MAGI1: variants seen among roughly 807,000 people sequenced by gnomAD.
MAGI1 encodes membrane associated guanylate kinase, WW and PDZ domain containing 1.
MAGI1 carries 58 observed loss-of-function variants against 139.9 expected under a neutral mutation model. The observed-to-expected ratio is 0.41, with a 90% CI of 0.34 to 0.52. The LOEUF is 0.52. MAGI1 is among the 20% of genes least tolerant of loss of function. The pLI, the probability that MAGI1 is intolerant of heterozygous loss-of-function variation, is 0.12. For missense variants in MAGI1, 1,874 were observed against 1,901.6 expected (o/e 0.99, Z 0.27); for synonymous variants, 812 against 737.9 (o/e 1.10, Z -1.63).
At chr3:65,924,732 C>T (rs574659779) in intron 1 of MAGI1, among the ~76,000 whole-genome samples, 1 of 152,282 alleles carries the variant, frequency 6.6e-6, no homozygotes, top group East Asian at 1.9e-4. Flanking sequence ...CCTCGCTGCT[C>T]CATGCTTCAG....
At chr3:65,605,604 C>T (rs535060564) in intron 2 of MAGI1, among the ~76,000 whole-genome samples, 35 of 152,240 alleles carry the variant, frequency 2.3e-4, no homozygotes, top group Admixed American at 2.2e-3. Flanking sequence ...CCAGACCCTT[C>T]TAGAGTGTCT....
At chr3:65,383,757 CA>C (rs1349787045) in intron 14 of MAGI1, 134 bp from the exon 15 acceptor site, 2 of 686,804 alleles carry the variant, frequency 2.9e-6, no homozygotes, top group Non-Finnish European at 5.2e-6. Flanking sequence ...GGCAAAGAAA[CA>C]AAATACTCTG....
At chr3:65,881,549 C>T (rs1455360330) in intron 1 of MAGI1, among the ~76,000 whole-genome samples, 2 of 152,000 alleles carry the variant, frequency 1.3e-5, no homozygotes, top group African/African-American at 4.8e-5. Context: ...ATCACTTGTG[C>T]CCAGGCGTTG....
intron 2 of MAGI1, among the ~76,000 whole-genome samples, chr3:65,605,012 AAT>A (rs1182698519): frequency 6.6e-6 from 1 of 152,196 alleles, no homozygotes; most frequent in African/African-American, 2.4e-5. Flanking sequence ...TATGCCTGAA[AAT>A]GACTCATGCC....
At chr3:65,960,968 T>C (rs2064393781) in intron 1 of MAGI1, among the ~76,000 whole-genome samples, 1 of 152,264 alleles carries the variant, frequency 6.6e-6, no homozygotes, top group Admixed American at 6.5e-5. Flanking sequence ...CTGTCTTTTC[T>C]ATGCTATAGG....
intron 1 of MAGI1, among the ~76,000 whole-genome samples, chr3:65,735,683 A>C (rs549444429): frequency 6.6e-6 from 1 of 152,218 alleles, no homozygotes; most frequent in African/African-American, 2.4e-5. Context: ...TATTATCAAC[A>C]ACCTACTGAA....
At chr3:65,872,680 A>G (rs1559964247) in intron 1 of MAGI1, 2 of 152,258 alleles carry the variant, frequency 1.3e-5, no homozygotes, top group Non-Finnish European at 2.9e-5. Flanking sequence ...GCATATGAAT[A>G]GAAAAATAAA....
chr3:65,606,493 A>G (rs2082748004), intron 2 of MAGI1, among the ~76,000 whole-genome samples: 1 of 151,342 alleles, frequency 6.6e-6, no homozygotes, highest in African/African-American at 2.4e-5. Flanking sequence ...GGTGTATGCC[A>G]CCACACCCGG....
intron 1 of MAGI1, among the ~76,000 whole-genome samples, chr3:65,951,869 T>C (rs1487815754): frequency 1.3e-5 from 2 of 152,220 alleles, no homozygotes; most frequent in Non-Finnish European, 2.9e-5. Context: ...TACTGAACTG[T>C]AGTGAGCAAA....
intron 8 of MAGI1, 46 bp from the exon 9 acceptor site, chr3:65,440,058 A>C (rs761022515): frequency 6.2e-7 from 1 of 1,606,724 alleles, no homozygotes; most frequent in Non-Finnish European, 8.5e-7. Context: ...AGTTCATCCC[A>C]CCAGCAAAAT....
chr3:65,673,807 A>C (rs951768525), intron 1 of MAGI1, among the ~76,000 whole-genome samples: 2 of 152,258 alleles, frequency 1.3e-5, no homozygotes, highest in African/African-American at 4.8e-5. Context: ...AGTTCAATAA[A>C]TATTATAAAT....
intron 2 of MAGI1, among the ~76,000 whole-genome samples, chr3:65,593,055 A>G (rs1418270173): frequency 1.3e-5 from 2 of 152,310 alleles, no homozygotes; most frequent in Non-Finnish European, 2.9e-5. Context: ...GGTCACCTTC[A>G]GGTAAAATTA....
intron 12 of MAGI1, among the ~76,000 whole-genome samples, chr3:65,403,878 T>C (rs540771411): frequency 2.0e-5 from 3 of 152,340 alleles, no homozygotes; most frequent in South Asian, 4.1e-4. Flanking sequence ...AAAAGAGAAC[T>C]GGAAACAACT....
intron 5 of MAGI1, among the ~76,000 whole-genome samples, chr3:65,467,497 C>T (rs1659913487): frequency 6.6e-6 from 1 of 152,142 alleles, no homozygotes; most frequent in African/African-American, 2.4e-5. Context: ...TTGATAGTTG[C>T]AGCCCAAATC....
At chr3:65,804,397 T>C (rs1394242133) in intron 1 of MAGI1, among the ~76,000 whole-genome samples, 1 of 151,684 alleles carries the variant, frequency 6.6e-6, no homozygotes, top group Non-Finnish European at 1.5e-5. Context: ...AATTTATTGG[T>C]ATAAACTGAT....
chr3:65,399,681 T>G (rs1237858975), intron 13 of MAGI1, among the ~76,000 whole-genome samples: 2 of 152,196 alleles, frequency 1.3e-5, no homozygotes, highest in East Asian at 3.9e-4. Flanking sequence ...GCTTGCTGCT[T>G]GCTAATGATA....
At chr3:65,585,146 T>C (rs2081615193) in intron 2 of MAGI1, among the ~76,000 whole-genome samples, 1 of 152,212 alleles carries the variant, frequency 6.6e-6, no homozygotes, top group Admixed American at 6.5e-5. Context: ...GTCAAATGAT[T>C]TGCCAGGGTC....
intron 2 of MAGI1, among the ~76,000 whole-genome samples, chr3:65,587,359 T>C (rs1294531315): frequency 6.6e-6 from 1 of 152,144 alleles, no homozygotes; most frequent in Non-Finnish European, 1.5e-5. Flanking sequence ...ATATCACATG[T>C]AATTTATTGA....
chr3:65,410,776 C>A (rs142875446), intron 12 of MAGI1, among the ~76,000 whole-genome samples: 2,495 of 152,256 alleles, frequency 0.016, 72 homozygotes, highest in African/African-American at 0.056. Flanking sequence ...TCATTCAAGG[C>A]TACACATGCT....
Sources: gnomAD v4.1 joint callset for allele counts (sites outside exome capture counted in the v4.1 genomes callset) on GRCh38, gnomAD v4.1.1 for gene constraint, MANE v1.5 for transcripts, NCBI Gene and HGNC (gene_info 2026-07-23, HGNC 2026-07-21) for gene names.